Variants in ANO1 observed in about 807,000 individuals in gnomAD.
ANO1 encodes anoctamin-1.
Under a neutral mutation model 124.0 loss-of-function variants are expected in ANO1, and 59 were observed. The observed-to-expected ratio is 0.48, with a 90% CI of 0.39 to 0.59. ANO1 has a LOEUF of 0.59. Ranked by LOEUF, ANO1 falls within the 20% of genes least tolerant of loss-of-function variation. The probability of loss-of-function intolerance (pLI) is 0.00; values close to 1 mark genes in which losing one functional copy is unlikely to be tolerated. For synonymous variants in ANO1, 529 were observed against 532.0 expected (o/e 0.99, Z 0.08); for missense variants, 1,059 against 1,328.0 (o/e 0.80, Z 3.15).
At chr11:70,170,229 C>T (rs1358801058) in intron 21 of ANO1, 2 of 451,530 alleles carry the variant, frequency 4.4e-6, no homozygotes, top group African/African-American at 4.0e-5. Context: ...TGCCACGTCC[C>T]TTCCCAGCAT....
intron 1 of ANO1, among the ~76,000 whole-genome samples, chr11:70,024,147 G>A (rs191999650): frequency 6.6e-6 from 1 of 152,320 alleles, no homozygotes; most frequent in Admixed American, 6.5e-5. Context: ...TTCACCTTGG[G>A]CAGCCCCAGT....
chr11:70,149,334 C>T (rs7102771), intron 11 of ANO1, among the ~76,000 whole-genome samples: 75,642 of 152,160 alleles, frequency 0.5, 19,625 homozygotes, highest in Non-Finnish European at 0.59. Context: ...ATGTCACCCT[C>T]TCTCACCAAA....
intron 1 of ANO1, among the ~76,000 whole-genome samples, chr11:70,009,762 G>A (rs1242101760): frequency 2.6e-5 from 4 of 152,096 alleles, no homozygotes; most frequent in Non-Finnish European, 5.9e-5. Flanking sequence ...GAGGGGAGAG[G>A]TGTTGGGCTC....
chr11:70,107,390 A>T (rs1026666841), intron 5 of ANO1, among the ~76,000 whole-genome samples: 4 of 151,686 alleles, frequency 2.6e-5, no homozygotes, highest in Non-Finnish European at 4.4e-5. Flanking sequence ...TGGGAAAAGG[A>T]ACAGCCAGGG....
chr11:70,186,959 C>A (rs747125602), intron 25 of ANO1, among the ~76,000 whole-genome samples: 1 of 152,224 alleles, frequency 6.6e-6, no homozygotes, highest in Non-Finnish European at 1.5e-5. Context: ...CCAGCCTTAT[C>A]CCAAGGGAGC....
intron 6 of ANO1, among the ~76,000 whole-genome samples, chr11:70,110,469 A>T (rs763539957): frequency 3.9e-5 from 6 of 152,104 alleles, no homozygotes; most frequent in Non-Finnish European, 5.9e-5. Context: ...TACAGGCGTG[A>T]GCCACTGTGC....
In ANO1 at chr11:70,187,520, A is replaced by G. The variant is rs569108610; in HGVS notation, c.2695-218A>G. Among the ~76,000 whole-genome samples, 26 of 152,202 alleles carry G rather than the reference A, an allele frequency of 1.7e-4. No individual in the cohort carries two copies. In the South Asian group the frequency reaches 5.4e-3, roughly 32 times the overall value. On this transcript the variant is annotated intron_variant, in intron 25 of 25. Coordinates refer to ENST00000355303, the MANE Select transcript of ANO1 (RefSeq NM_018043.7). ...ACTCAGATGATTTTCCCAATTACTG[A>G]GTTCAGATTTGTTCGAGAAAGTCGG... is the stretch of plus-strand genomic sequence containing the variant.
At chr11:70,111,340 G>A (rs954366843) in intron 6 of ANO1, 3 of 509,228 alleles carry the variant, frequency 5.9e-6, no homozygotes, top group Non-Finnish European at 1.1e-5. Flanking sequence ...TTCCCCATCT[G>A]CAGGCTTGCC....
At chr11:69,973,870 T>TAA in the ANO1 span, among the ~76,000 whole-genome samples, 2 of 139,620 alleles carry the variant, frequency 1.4e-5, no homozygotes, top group Non-Finnish European at 1.6e-5. Flanking sequence ...AGACTCCGTC[T>TAA]AAAAAAAAAA....
At chr11:70,166,336 T>TA (rs2048252900) in intron 20 of ANO1, among the ~76,000 whole-genome samples, 1 of 151,780 alleles carries the variant, frequency 6.6e-6, no homozygotes. Context: ...AAATAAATAA[T>TA]AAAAAACATT....
chr11:70,062,823 G>A lies in ANO1; in HGVS notation c.59-15719G>A, dbSNP rs935427248. Among the ~76,000 whole-genome samples the A allele has an allele frequency of 7.2e-5, 11 of 152,320 alleles. No individual in the cohort carries two copies. The South Asian group carries it at 1.5e-3, about 20-fold the overall frequency. On this transcript the variant is annotated intron_variant, in intron 1 of 27. Coordinates refer to the ANO1 transcript ENST00000531349. ...TGGGTGAAGCAGTGACTATCTAGAC[G>A]AGCACTCTGTAAATATTGGGCAAGA...
intron 16 of ANO1, among the ~76,000 whole-genome samples, chr11:70,157,715 G>A (rs2047874415): frequency 6.6e-6 from 1 of 152,094 alleles, no homozygotes; most frequent in Admixed American, 6.5e-5. Context: ...AAATGGGCCG[G>A]GTGCAGTGGC....
At chr11:70,128,577 C>T (rs533181829) in intron 10 of ANO1, among the ~76,000 whole-genome samples, 116 of 152,314 alleles carry the variant, frequency 7.6e-4, no homozygotes, top group Middle Eastern at 3.4e-3. Context: ...CCGCTGTGGG[C>T]GGAGATGAGG....
chr11:70,005,593 G>A (rs915852461), intron 1 of ANO1, among the ~76,000 whole-genome samples: 3 of 152,072 alleles, frequency 2.0e-5, no homozygotes, highest in Non-Finnish European at 2.9e-5. Flanking sequence ...TTATTTATTC[G>A]ATGAATAGCA....
At chr11:70,056,293 C>T (rs1191003939) in intron 1 of ANO1, 3 of 151,942 alleles carry the variant, frequency 2.0e-5, no homozygotes, top group Non-Finnish European at 2.9e-5. Flanking sequence ...GATACAGAAC[C>T]CTAGATTGGC....
At chr11:70,055,944 A>T (rs567013603) in intron 1 of ANO1, among the ~76,000 whole-genome samples, 2 of 152,092 alleles carry the variant, frequency 1.3e-5, no homozygotes, top group Non-Finnish European at 2.9e-5. Context: ...CTTAACTTTT[A>T]GAAATGCTTT....
At chr11:70,139,884 C>T (rs748193806) in intron 11 of ANO1, among the ~76,000 whole-genome samples, 1 of 152,238 alleles carries the variant, frequency 6.6e-6, no homozygotes, top group Non-Finnish European at 1.5e-5. Flanking sequence ...CTAACTGGCT[C>T]CGGCTGGCGT....
chr11:70,065,933 T>C (rs1857706145), intron 1 of ANO1, among the ~76,000 whole-genome samples: 2 of 152,074 alleles, frequency 1.3e-5, no homozygotes, highest in Admixed American at 1.3e-4. Context: ...TAGCCCGCCG[T>C]CCCCTCTTCC....
chr11:70,074,428 A>G (rs1222422199), upstream of ANO1, among the ~76,000 whole-genome samples: 1 of 151,992 alleles, frequency 6.6e-6, no homozygotes, highest in Non-Finnish European at 1.5e-5. Flanking sequence ...CCTTTCTGCC[A>G]CCTCTCTAAT....
Sources: gnomAD v4.1 joint callset for allele counts (sites outside exome capture counted in the v4.1 genomes callset) on GRCh38, gnomAD v4.1.1 for gene constraint, MANE v1.5 for transcripts, NCBI Gene and HGNC (gene_info 2026-07-23, HGNC 2026-07-21) for gene names.